Variants in DOCK4 observed in about 807,000 individuals in gnomAD.
DOCK4 encodes dedicator of cytokinesis 4, also known as dedicator of cytokinesis protein 4.
Under a neutral mutation model 268.1 loss-of-function variants are expected in DOCK4, and 97 were observed. The ratio of observed to expected loss-of-function variants is 0.36; its 90% CI spans 0.31 to 0.43. The LOEUF is 0.43. DOCK4 is among the 20% of genes least tolerant of loss of function. The pLI is 1.00. For missense variants in DOCK4, 2,145 were observed against 2,455.7 expected (o/e 0.87, Z 2.67); for synonymous variants, 954 against 887.2 (o/e 1.08, Z -1.34).
At chr7:112,161,791 T>C (rs372199063) in intron 1 of DOCK4, among the ~76,000 whole-genome samples, 47 of 152,336 alleles carry the variant, frequency 3.1e-4, no homozygotes, top group African/African-American at 1.1e-3. Context: ...TCTTGGTTAA[T>C]GTGGCATAAC....
At chr7:112,203,938 T>TTAA (rs1821162272) in intron 1 of DOCK4, among the ~76,000 whole-genome samples, 1 of 151,838 alleles carries the variant, frequency 6.6e-6, no homozygotes, top group East Asian at 1.9e-4. Context: ...ATAATAAAGG[T>TTAA]TAATTAACAT....
At chr7:112,182,213 C>T (rs572253270) in intron 1 of DOCK4, among the ~76,000 whole-genome samples, 2 of 152,234 alleles carry the variant, frequency 1.3e-5, no homozygotes, top group East Asian at 1.9e-4. Context: ...TAGAATAGTG[C>T]CCGGCATGCA....
intron 51 of DOCK4, among the ~76,000 whole-genome samples, chr7:111,733,238 G>C (rs1357650051): frequency 6.6e-6 from 1 of 152,198 alleles, no homozygotes; most frequent in African/African-American, 2.4e-5. Flanking sequence ...CCCCACAACA[G>C]TGACCACAGA....
chr7:111,907,259 AC>A (rs1329324515), intron 13 of DOCK4, among the ~76,000 whole-genome samples: 1 of 152,208 alleles, frequency 6.6e-6, no homozygotes, highest in Non-Finnish European at 1.5e-5. Flanking sequence ...ACTATGAGAT[AC>A]TGAACTCTTT....
At chr7:111,797,740 T>C (rs1799998305) in intron 30 of DOCK4, among the ~76,000 whole-genome samples, 2 of 152,180 alleles carry the variant, frequency 1.3e-5, no homozygotes, top group Non-Finnish European at 1.5e-5. Context: ...AACCTCTTAA[T>C]TACTCTAAAC....
intron 43 of DOCK4, among the ~76,000 whole-genome samples, chr7:111,746,952 T>C (rs954072013): frequency 6.6e-6 from 1 of 151,762 alleles, no homozygotes; most frequent in Non-Finnish European, 1.5e-5. Context: ...TCTATGCCCA[T>C]GAACTTCTTT....
intron 52 of DOCK4, among the ~76,000 whole-genome samples, chr7:111,731,422 C>T (rs1403754821): frequency 6.6e-6 from 1 of 152,144 alleles, no homozygotes; most frequent in African/African-American, 2.4e-5. Context: ...CGTGTAAATC[C>T]TAAGTCACTC....
At chr7:111,911,705 G>A (rs1484444075) in intron 13 of DOCK4, among the ~76,000 whole-genome samples, 1 of 152,218 alleles carries the variant, frequency 6.6e-6, no homozygotes, top group African/African-American at 2.4e-5. Context: ...TAATCAGCCA[G>A]TGAAGTGTCA....
chr7:111,956,280 G>C (rs1796439929), intron 8 of DOCK4, among the ~76,000 whole-genome samples: 1 of 152,114 alleles, frequency 6.6e-6, no homozygotes, highest in Admixed American at 6.5e-5. Context: ...TAAGTACTCT[G>C]AGTTGAAGCA....
intron 1 of DOCK4, among the ~76,000 whole-genome samples, chr7:112,168,376 T>G (rs1403915889): frequency 6.6e-6 from 1 of 152,176 alleles, no homozygotes; most frequent in African/African-American, 2.4e-5. Context: ...TCAAAGTCAC[T>G]CCTTTTGGGT....
intron 1 of DOCK4, among the ~76,000 whole-genome samples, chr7:112,166,536 C>A (rs1337446912): frequency 6.6e-6 from 1 of 152,188 alleles, no homozygotes; most frequent in Non-Finnish European, 1.5e-5. Context: ...ACAGGAGGTA[C>A]CTTCAGAGCC....
intron 37 of DOCK4, among the ~76,000 whole-genome samples, chr7:111,768,548 A>C (rs1041262103): frequency 7.9e-5 from 12 of 152,168 alleles, no homozygotes; most frequent in African/African-American, 2.9e-4. Flanking sequence ...CAAAGCATCC[A>C]AGTGTTCAAA....
chr7:111,935,798 C>T (rs995759112), intron 11 of DOCK4, among the ~76,000 whole-genome samples, 170 bp from the exon 12 acceptor site: 1 of 152,136 alleles, frequency 6.6e-6, no homozygotes, highest in Non-Finnish European at 1.5e-5. Flanking sequence ...CCAGGATGAG[C>T]AAGAATGTCC....
chr7:111,764,211 G>C (rs1797631200), intron 39 of DOCK4, among the ~76,000 whole-genome samples: 1 of 152,090 alleles, frequency 6.6e-6, no homozygotes, highest in African/African-American at 2.4e-5. Flanking sequence ...GGATATTTTG[G>C]GATCTACCTA....
At chr7:112,151,872 C>T (rs1411983318) in intron 1 of DOCK4, among the ~76,000 whole-genome samples, 1 of 150,232 alleles carries the variant, frequency 6.7e-6, no homozygotes, top group African/African-American at 2.5e-5. Flanking sequence ...CTGTGCCTGG[C>T]TTTAGATTCA....
chr7:112,100,495 G>T (rs910431991), intron 1 of DOCK4, among the ~76,000 whole-genome samples: 5 of 152,248 alleles, frequency 3.3e-5, no homozygotes, highest in East Asian at 1.9e-4. Context: ...CTCTGAGCCT[G>T]CTAGAGACCT....
intron 8 of DOCK4, among the ~76,000 whole-genome samples, chr7:111,951,291 T>C (rs893918186): frequency 3.3e-5 from 5 of 152,216 alleles, no homozygotes; most frequent in African/African-American, 1.2e-4. Context: ...TACATAGCTC[T>C]TCTCATTTAA....
At chr7:111,874,070 T>C (rs1185078402) in intron 17 of DOCK4, among the ~76,000 whole-genome samples, 1 of 152,182 alleles carries the variant, frequency 6.6e-6, no homozygotes. Context: ...AAAGCTCTAT[T>C]GTTCTCCCCA....
At chr7:111,817,798 T>C (rs1235297068) in intron 27 of DOCK4, among the ~76,000 whole-genome samples, 1 of 152,148 alleles carries the variant, frequency 6.6e-6, no homozygotes, top group Non-Finnish European at 1.5e-5. Context: ...TCCTCACATC[T>C]CCTTCCAGAT....
Sources: gnomAD v4.1 joint callset for allele counts (sites outside exome capture counted in the v4.1 genomes callset) on GRCh38, gnomAD v4.1.1 for gene constraint, MANE v1.5 for transcripts, NCBI Gene and HGNC (gene_info 2026-07-23, HGNC 2026-07-21) for gene names.